Variants in SLC39A11 observed in about 807,000 individuals in gnomAD.
SLC39A11 encodes zinc transporter ZIP11.
A neutral mutation model predicts 36.1 loss-of-function variants in SLC39A11; 33 were observed. The observed-to-expected ratio is 0.91, with a 90% CI of 0.69 to 1.22. The LOEUF (loss-of-function observed/expected upper bound fraction) is 1.22. SLC39A11 is among the 50% of genes most tolerant of loss of function. The pLI, the probability that SLC39A11 is intolerant of heterozygous loss-of-function variation, is 0.00. For synonymous variants in SLC39A11, 166 were observed against 170.3 expected (o/e 0.97, Z 0.20); for missense variants, 432 against 430.3 (o/e 1.00, Z -0.03).
intron 6 of SLC39A11, chr17:72,823,735 A>G (rs975329378): frequency 1.3e-5 from 2 of 151,376 alleles, no homozygotes. Context: ...AAATTCTAAT[A>G]AGAAAGTGCA....
rs940589780 is a variant in SLC39A11, at chr17:73,042,669, C to T, written c.148-10955G>A. On this transcript the variant is annotated intron_variant, in intron 3 of 9. Coordinates refer to ENST00000255559, the MANE Select transcript of SLC39A11 (RefSeq NM_139177.4). ...TACAAAAATCAGCCGAGCATGTTGG[C>T]GGGCACCTGTAATCTCAGCTACTTG... Among the ~76,000 whole-genome samples, 5 of 152,102 alleles carry T rather than the reference C, an allele frequency of 3.3e-5. No individual in the cohort carries two copies. In the East Asian group the frequency reaches 7.7e-4, roughly 23 times the overall value.
chr17:72,844,415 T>A (rs978287007), intron 6 of SLC39A11, among the ~76,000 whole-genome samples: 3 of 152,230 alleles, frequency 2.0e-5, no homozygotes, highest in Admixed American at 6.5e-5. Flanking sequence ...ACGCCTGTAA[T>A]CCCAGCACTT....
Position 72,648,976 on chromosome 17 carries a change from G to T in SLC39A11, c.771-15C>A, listed in dbSNP as rs767274458. 11 of 1,606,282 alleles carry T rather than the reference G, an allele frequency of 6.8e-6. No individual in the cohort carries two copies. Among genetic ancestry groups the T allele is most frequent in the Non-Finnish European group, 9.4e-6 (11 of 1,176,328 alleles). ...GCTGCCCATACCTAAGGAGAGAACA[G>T]AGACATTTACCACCGCAGGGGGAGG... On this transcript the variant is annotated splice_polypyrimidine_tract_variant and intron_variant, in intron 8 of 9. Coordinates refer to ENST00000255559, the MANE Select transcript of SLC39A11 (RefSeq NM_139177.4).
At chr17:72,952,861 C>G (rs1353933236) in intron 4 of SLC39A11, among the ~76,000 whole-genome samples, 2 of 151,986 alleles carry the variant, frequency 1.3e-5, no homozygotes, top group Non-Finnish European at 2.9e-5. Flanking sequence ...ATCAGAGGGT[C>G]AGTGAGTCAC....
intron 3 of SLC39A11, among the ~76,000 whole-genome samples, chr17:73,062,354 G>A (rs934886379): frequency 3.3e-5 from 5 of 151,120 alleles, no homozygotes; most frequent in African/African-American, 1.2e-4. Flanking sequence ...AGCTACTTGG[G>A]AGGCAGAGGT....
chr17:72,868,222 C>T (rs956701906), intron 5 of SLC39A11, among the ~76,000 whole-genome samples: 3 of 152,120 alleles, frequency 2.0e-5, no homozygotes, highest in African/African-American at 7.2e-5. Context: ...TAATCCCCAT[C>T]CCATGCTAAC....
chr17:72,738,548 C>A (rs1469588), intron 6 of SLC39A11, among the ~76,000 whole-genome samples: 50,858 of 151,828 alleles, frequency 0.33, 9,629 homozygotes, highest in African/African-American at 0.52. Context: ...TATCTGATGG[C>A]GCAGCGAGGG....
At chr17:73,062,062 T>C (rs561157976) in intron 3 of SLC39A11, among the ~76,000 whole-genome samples, 1 of 152,032 alleles carries the variant, frequency 6.6e-6, no homozygotes, top group Admixed American at 6.6e-5. Context: ...ATGAAACAAA[T>C]TATGGAAAAA....
At chr17:72,955,553 T>A (rs973265372) in intron 4 of SLC39A11, among the ~76,000 whole-genome samples, 66 of 149,476 alleles carry the variant, frequency 4.4e-4, no homozygotes, top group Non-Finnish European at 8.4e-4. Flanking sequence ...AAGTGATCCA[T>A]CCTCCGCAGC....
At chr17:72,910,352 G>A (rs182195875) in intron 5 of SLC39A11, among the ~76,000 whole-genome samples, 60 of 152,200 alleles carry the variant, frequency 3.9e-4, no homozygotes, top group Admixed American at 2.9e-3. Context: ...AACCGGGTGC[G>A]GTGGCCCGTG....
chr17:73,082,776 C>T (rs2060586371), intron 3 of SLC39A11, among the ~76,000 whole-genome samples: 1 of 151,920 alleles, frequency 6.6e-6, no homozygotes, highest in Non-Finnish European at 1.5e-5. Flanking sequence ...TTTGGAAGGC[C>T]GAGTTGGGTA....
At chr17:72,999,891 C>T (rs924838904) in intron 4 of SLC39A11, among the ~76,000 whole-genome samples, 3 of 152,222 alleles carry the variant, frequency 2.0e-5, no homozygotes, top group Admixed American at 2.0e-4. Flanking sequence ...CAGGCACGCG[C>T]CACCACACCT....
chr17:72,782,268 G>T (rs778147480), intron 6 of SLC39A11, among the ~76,000 whole-genome samples: 2 of 152,128 alleles, frequency 1.3e-5, no homozygotes, highest in Non-Finnish European at 2.9e-5. Context: ...AAGCTGGGAG[G>T]GGGCATGGAA....
chr17:72,746,523 G>A (rs1050673707), intron 6 of SLC39A11, among the ~76,000 whole-genome samples: 1 of 152,076 alleles, frequency 6.6e-6, no homozygotes, highest in Admixed American at 6.6e-5. Flanking sequence ...GGCCAAGGTG[G>A]GTGGATCATG....
Position 72,906,626 on chromosome 17 carries a change from G to C in SLC39A11, c.430+41126C>G, listed in dbSNP as rs2082670271. Among the ~76,000 whole-genome samples, 3 of 152,248 alleles carry C rather than the reference G, an allele frequency of 2.0e-5. No homozygotes were observed. The South Asian group carries it at 6.2e-4, about 31-fold the overall frequency. ...ATCCTCCTGACTCCAACTGATGACA[G>C]AAGGCAACTCACCTGAAACAGACCT... On this transcript the variant is annotated intron_variant, in intron 5 of 9. Transcript: ENST00000255559.
intron 6 of SLC39A11, among the ~76,000 whole-genome samples, chr17:72,752,561 CTTT>C (rs1476573494): frequency 2.0e-5 from 3 of 151,950 alleles, no homozygotes; most frequent in Non-Finnish European, 4.4e-5. Flanking sequence ...TATCTTTTTT[CTTT>C]TTATTTATTT....
At chr17:73,060,223 AAAAAAAAGAAAG>A (rs2059799961) in intron 3 of SLC39A11, among the ~76,000 whole-genome samples, 2 of 150,672 alleles carry the variant, frequency 1.3e-5, no homozygotes, top group African/African-American at 2.4e-5. Context: ...AAAAAAAAAA[AAAAAAAAGAAAG>A]AAAAAAGAAA....
chr17:72,901,223 G>A (rs1199991312), intron 5 of SLC39A11, among the ~76,000 whole-genome samples: 2 of 152,240 alleles, frequency 1.3e-5, no homozygotes, highest in African/African-American at 2.4e-5. Context: ...GGGAGCTGGA[G>A]CGCATGGGAA....
intron 6 of SLC39A11, among the ~76,000 whole-genome samples, chr17:72,846,963 A>T (rs1263556333): frequency 6.6e-6 from 1 of 152,198 alleles, no homozygotes; most frequent in Non-Finnish European, 1.5e-5. Flanking sequence ...CAGGGGACCA[A>T]GGGGTCTTTC....
Sources: allele counts gnomAD v4.1 joint callset (sites outside exome capture counted in the v4.1 genomes callset), GRCh38; gene constraint gnomAD v4.1.1; transcripts MANE v1.5; gene names NCBI Gene and HGNC (gene_info 2026-07-23, HGNC 2026-07-21).